Variants in STXBP4 observed in about 807,000 individuals in gnomAD.
STXBP4 encodes syntaxin binding protein 4.
STXBP4 carries 55 observed loss-of-function variants against 76.1 expected under a neutral mutation model. The ratio of observed to expected loss-of-function variants is 0.72; its 90% confidence interval spans 0.58 to 0.91. The LOEUF (loss-of-function observed/expected upper bound fraction) is 0.91. Among genes scored for constraint, STXBP4 ranks in the 40% least tolerant of loss-of-function variants. The pLI is 0.00. For missense variants in STXBP4, 618 were observed against 636.9 expected, an observed-to-expected ratio of 0.97 and a Z score of 0.32; for synonymous variants, 201 against 220.2, an observed-to-expected ratio of 0.91 and a Z score of 0.77.
chr17:55,006,390 T>C (rs980077531), intron 7 of STXBP4, among the ~76,000 whole-genome samples: 1 of 152,184 alleles, frequency 6.6e-6, no homozygotes, highest in Non-Finnish European at 1.5e-5. Context: ...CATAAAGATG[T>C]GACATTTTCC....
At chr17:55,042,673 T>C (rs1343681299) in intron 10 of STXBP4, among the ~76,000 whole-genome samples, 3 of 152,158 alleles carry the variant, frequency 2.0e-5, no homozygotes, top group Non-Finnish European at 4.4e-5. Flanking sequence ...CTGCATTTTT[T>C]GTTATTGTTA....
intron 4 of STXBP4, among the ~76,000 whole-genome samples, chr17:54,998,886 A>G (rs77406149): frequency 0.026 from 3,955 of 152,158 alleles, 177 homozygotes; most frequent in East Asian, 0.22. Flanking sequence ...TAAAAATCTC[A>G]ATGTGGGATA....
intron 16 of STXBP4, among the ~76,000 whole-genome samples, chr17:55,101,676 A>G (rs2079568012): frequency 6.6e-6 from 1 of 152,238 alleles, no homozygotes; most frequent in African/African-American, 2.4e-5. Flanking sequence ...ATGAAAAAGC[A>G]TACATGATAT....
intron 8 of STXBP4, among the ~76,000 whole-genome samples, chr17:55,013,234 C>T (rs1840678058): frequency 6.6e-6 from 1 of 152,162 alleles, no homozygotes; most frequent in African/African-American, 2.4e-5. Context: ...TAAGGACTCC[C>T]AGAGCTGTTT....
the STXBP4 span, among the ~76,000 whole-genome samples, chr17:55,200,860 CAA>C: frequency 3.9e-5 from 6 of 152,030 alleles, no homozygotes; most frequent in Non-Finnish European, 7.4e-5. Context: ...ATGTTAGAAA[CAA>C]AAAATAAACC....
At chr17:54,979,368 C>T (rs908132925) in intron 1 of STXBP4, among the ~76,000 whole-genome samples, 1 of 152,134 alleles carries the variant, frequency 6.6e-6, no homozygotes, top group African/African-American at 2.4e-5. Flanking sequence ...TCAAGGAGTG[C>T]CCTATGTGTC....
the STXBP4 span, among the ~76,000 whole-genome samples, chr17:55,189,801 G>T: frequency 6.2e-4 from 95 of 152,326 alleles, no homozygotes; most frequent in African/African-American, 2.2e-3. Flanking sequence ...TACCCAGGTG[G>T]TGTGATTCAG....
chr17:55,078,855 TG>T (rs2079222324), intron 15 of STXBP4, 120 bp downstream of exon 15: 1 of 638,266 alleles, frequency 1.6e-6, no homozygotes, highest in Admixed American at 3.2e-5. Context: ...TAACTCCCAT[TG>T]GATGCCATCA....
chr17:55,106,395 T>C (rs1236365662), intron 16 of STXBP4, among the ~76,000 whole-genome samples: 1 of 152,168 alleles, frequency 6.6e-6, no homozygotes, highest in African/African-American at 2.4e-5. Flanking sequence ...AGCACACTAA[T>C]GGATCTTGAC....
intron 8 of STXBP4, among the ~76,000 whole-genome samples, chr17:55,008,388 G>C (rs887971000): frequency 6.6e-6 from 1 of 152,038 alleles, no homozygotes; most frequent in African/African-American, 2.4e-5. Context: ...TCCTATGATA[G>C]TCCTTTCTCA....
At position 55,166,096 on chromosome 17, in the gene STXBP4, C is replaced by T. The variant is rs551598311; in HGVS notation, c.*6185C>T. ...ATGTTGCTCAGGATCCATTTATTCCCTATTCCTGGTGTTTCTTTGTAGAGA... is the reference window on the plus strand; with the variant it reads ...ATGTTGCTCAGGATCCATTTATTCCTTATTCCTGGTGTTTCTTTGTAGAGA... On this transcript the variant is annotated 3_prime_UTR_variant, in exon 18 of 18. Transcript: ENST00000376352. 3 of 152,272 alleles carry T rather than the reference C, an allele frequency of 2.0e-5. No homozygotes were observed. The South Asian group carries it at 6.2e-4, about 32-fold the overall frequency. The allele number at this position is 152,272 out of a possible 1,614,324, so 9.4% of individuals were successfully genotyped here. A position where few individuals can be genotyped will look rare whatever the true frequency, so the allele number is the denominator to read the frequency against.
At chr17:55,023,593 G>A (rs2787479) in intron 8 of STXBP4, among the ~76,000 whole-genome samples, 45,786 of 151,930 alleles carry the variant, frequency 0.3, 7,234 homozygotes, top group African/African-American at 0.36. Context: ...GAGCATTTTC[G>A]ATTTCGGATT....
At chr17:55,155,778 C>G (rs1240701520) in intron 17 of STXBP4, among the ~76,000 whole-genome samples, 1 of 152,048 alleles carries the variant, frequency 6.6e-6, no homozygotes, top group Admixed American at 6.5e-5. Flanking sequence ...AAACATTTTG[C>G]TCCTTTAGCT....
chr17:55,057,993 T>C (rs779494207), intron 12 of STXBP4, among the ~76,000 whole-genome samples: 11 of 152,190 alleles, frequency 7.2e-5, no homozygotes, highest in Non-Finnish European at 7.3e-5. Context: ...TTTGCCATTG[T>C]GAACAGTGCC....
intron 7 of STXBP4, among the ~76,000 whole-genome samples, chr17:55,004,789 A>G (rs187013553): frequency 7.2e-4 from 109 of 152,062 alleles, no homozygotes; most frequent in African/African-American, 2.5e-3. Context: ...GGAGAAGGAA[A>G]AGAAGTGGGG....
At chr17:55,093,938 G>C (rs571358465) in intron 16 of STXBP4, among the ~76,000 whole-genome samples, 2 of 152,038 alleles carry the variant, frequency 1.3e-5, no homozygotes, top group Non-Finnish European at 2.9e-5. Context: ...AATAGAAAAC[G>C]TAATTGTAGA....
At chr17:54,981,736 A>T (rs1416989375) in intron 1 of STXBP4, among the ~76,000 whole-genome samples, 1 of 152,176 alleles carries the variant, frequency 6.6e-6, no homozygotes, top group Non-Finnish European at 1.5e-5. Flanking sequence ...CAAAAAGCCC[A>T]TAACCCAGAA....
At chr17:55,113,253 ACACACACACG>A (rs1434319328) in intron 16 of STXBP4, among the ~76,000 whole-genome samples, 2 of 150,968 alleles carry the variant, frequency 1.3e-5, no homozygotes, top group African/African-American at 4.9e-5. Context: ...ACACACACAC[ACACACACACG>A]AGGTAGCTAT....
intron 12 of STXBP4, among the ~76,000 whole-genome samples, chr17:55,051,994 C>CTAT (rs1406946251): frequency 6.6e-6 from 1 of 151,902 alleles, no homozygotes; most frequent in Admixed American, 6.6e-5. Flanking sequence ...CCCAGTAAGC[C>CTAT]TATTATAAAG....
Sources: gnomAD v4.1 joint callset for allele counts (sites outside exome capture counted in the v4.1 genomes callset) on GRCh38, gnomAD v4.1.1 for gene constraint, MANE v1.5 for transcripts, NCBI Gene and HGNC (gene_info 2026-07-23, HGNC 2026-07-21) for gene names.